COL28A1: variants seen among roughly 807,000 people sequenced by gnomAD.
The protein encoded by COL28A1 is collagen type XXVIII alpha 1 chain, also known as collagen alpha-1(XXVIII) chain.
A neutral mutation model predicts 150.2 loss-of-function variants in COL28A1; 161 were observed. The ratio of observed to expected loss-of-function variants is 1.07; its 90% CI spans 0.94 to 1.22. The LOEUF (loss-of-function observed/expected upper bound fraction) is 1.22, where lower values mean the gene tolerates loss of function less well. Among genes scored for constraint, COL28A1 ranks in the 50% most tolerant of loss-of-function variants. The pLI is 0.00. For synonymous variants in COL28A1, 552 were observed against 469.7 expected (o/e 1.18, Z -2.26); for missense variants, 1,617 against 1,388.3 (o/e 1.16, Z -2.62).
At chr7:7,479,054 G>A (rs900151026) in intron 13 of COL28A1, among the ~76,000 whole-genome samples, 13 of 152,222 alleles carry the variant, frequency 8.5e-5, no homozygotes, top group African/African-American at 2.4e-4. Flanking sequence ...CTGAGGAGGC[G>A]CCAAGAGCAA....
At chr7:7,364,716 G>C (rs898444853) in intron 33 of COL28A1, among the ~76,000 whole-genome samples, 2 of 151,820 alleles carry the variant, frequency 1.3e-5, no homozygotes, top group Non-Finnish European at 2.9e-5. Context: ...AAGATGGGTA[G>C]AGGAAAAAAA....
intron 23 of COL28A1, among the ~76,000 whole-genome samples, 173 bp downstream of exon 23, chr7:7,436,222 T>C (rs1267389183): frequency 6.6e-6 from 1 of 152,148 alleles, no homozygotes; most frequent in Non-Finnish European, 1.5e-5. Context: ...CCCACAAGTA[T>C]GAAAAATAAA....
At chr7:7,412,623 C>G (rs13227277) in intron 27 of COL28A1, among the ~76,000 whole-genome samples, 25,636 of 151,938 alleles carry the variant, frequency 0.17, 2,691 homozygotes, top group African/African-American at 0.29. Context: ...TATCTAATTT[C>G]AATCATTCCT....
At chr7:7,523,609 T>A (rs1249387334) in intron 4 of COL28A1, among the ~76,000 whole-genome samples, 1 of 152,212 alleles carries the variant, frequency 6.6e-6, no homozygotes. Flanking sequence ...AAGCAGCTCA[T>A]TGAACAAAGC....
At chr7:7,429,426 T>TCTCTCA (rs1554270137) in intron 25 of COL28A1, among the ~76,000 whole-genome samples, 3 of 119,384 alleles carry the variant, frequency 2.5e-5, no homozygotes, top group South Asian at 3.0e-4. Context: ...TCTCTCTCTC[T>TCTCTCA]CACATACACA....
intron 9 of COL28A1, among the ~76,000 whole-genome samples, 182 bp downstream of exon 9, chr7:7,510,909 T>A (rs1057139744): frequency 7.2e-5 from 11 of 152,074 alleles, no homozygotes; most frequent in African/African-American, 1.7e-4. Context: ...CATTTGGGGG[T>A]TCTATTATTG....
At chr7:7,518,329 A>G (rs1476107188) in intron 6 of COL28A1, among the ~76,000 whole-genome samples, 2 of 152,192 alleles carry the variant, frequency 1.3e-5, no homozygotes, top group Admixed American at 6.5e-5. Flanking sequence ...AGAAGACATG[A>G]TAGCATCAGT....
intron 27 of COL28A1, among the ~76,000 whole-genome samples, chr7:7,410,480 G>C (rs1425159659): frequency 6.6e-6 from 1 of 152,216 alleles, no homozygotes; most frequent in South Asian, 2.1e-4. Context: ...ATTACAATAA[G>C]AGATAAGTCA....
Position 7,373,414 on chromosome 7 carries a change from T to A in COL28A1, c.2492A>T (p.Asp831Val), listed in dbSNP as rs185194558. ...TATGCCTATGCGGGCCGTGGCAAGG[T>A]CCAGAGCAACCCGGTCAGCCATAGT... ...VKTMADRVAL[D>V]LATARIGIIN... is the part of the protein sequence containing the mutation. The change falls in exon 32 of 35, where the codon GAC becomes GTC. Residue 831 changes from aspartate to valine, a missense_variant. Asp to Val is a radical substitution (Grantham distance 152, BLOSUM62 -3). Coordinates refer to ENST00000399429, the MANE Select transcript of COL28A1 (RefSeq NM_001037763.3). This position sits in a 1 kb window ranked among gnomAD's most constrained non-coding sequence, Gnocchi z 4.1. 2 of 1,614,144 alleles carry A rather than the reference T, an allele frequency of 1.2e-6. No homozygotes were observed. Among genetic ancestry groups the A allele is most frequent in the East Asian group, 4.5e-5 (2 of 44,884 alleles).
At chr7:7,454,678 C>T (rs1420056636) in intron 16 of COL28A1, among the ~76,000 whole-genome samples, 1 of 152,138 alleles carries the variant, frequency 6.6e-6, no homozygotes, top group East Asian at 1.9e-4. Flanking sequence ...GTCTTCGAAC[C>T]TCATATTTAG....
At chr7:7,387,867 A>C (rs955057453) in intron 27 of COL28A1, among the ~76,000 whole-genome samples, 6 of 152,180 alleles carry the variant, frequency 3.9e-5, no homozygotes, top group African/African-American at 1.4e-4. Context: ...TGGGAGCCCA[A>C]AGGCTAAAAG....
At chr7:7,370,623 G>T in intron 33 of COL28A1, 102 bp downstream of exon 33, 1 of 870,620 alleles carries the variant, frequency 1.1e-6, no homozygotes, top group Non-Finnish European at 1.7e-6. Flanking sequence ...AAATACACGT[G>T]CCTCAGCTGA....
In COL28A1 at chr7:7,507,158, A is replaced by G. The variant is rs769919632; in HGVS notation, c.931T>C (p.Ser311Pro). Residue 311 changes from serine to proline, a missense_variant, in exon 10 of 35, where the codon TCC becomes CCC. Physicochemically the swap from Ser to Pro is moderately conservative, Grantham distance 74 (BLOSUM62 -1). Coordinates refer to ENST00000399429, the MANE Select transcript of COL28A1 (RefSeq NM_001037763.3). ...GKPGIKGDKG[S>P]PGPYGPKGPR... ...CCCTTTGGTCCATATGGCCCTGGGG[A>G]TCCCTGTGGAATAAAATTGAAAATA... The G allele has an allele frequency of 1.6e-6, 2 of 1,216,316 alleles. No homozygotes were observed. The highest frequency in any genetic ancestry group is 1.2e-6 in the Non-Finnish European group (1 of 820,520). The allele number at this position is 1,216,316 out of a possible 1,614,324, so 75.3% of individuals were successfully genotyped here.
intron 27 of COL28A1, among the ~76,000 whole-genome samples, chr7:7,408,599 T>C (rs546919803): frequency 2.8e-4 from 42 of 152,262 alleles, no homozygotes; most frequent in Admixed American, 7.2e-4. Flanking sequence ...GTATGAGAAG[T>C]GATTATTACA....
chr7:7,417,798 C>T (rs1784186192), intron 27 of COL28A1, 61 bp downstream of exon 27: 5 of 1,435,746 alleles, frequency 3.5e-6, no homozygotes, highest in Non-Finnish European at 4.9e-6. Flanking sequence ...TATCTACAAC[C>T]TCTTCTCCCA....
upstream of COL28A1, among the ~76,000 whole-genome samples, chr7:7,536,156 T>C (rs149215723): frequency 1.6e-4 from 25 of 152,296 alleles, no homozygotes; most frequent in East Asian, 3.3e-3. Context: ...TGCTCTAAGA[T>C]ACTGGTTCTG....
At chr7:7,492,881 A>G (rs1779999707) in intron 11 of COL28A1, among the ~76,000 whole-genome samples, 1 of 150,766 alleles carries the variant, frequency 6.6e-6, no homozygotes, top group South Asian at 2.1e-4. Flanking sequence ...TTCTATATTG[A>G]TTAAGTTTTC....
intron 26 of COL28A1, among the ~76,000 whole-genome samples, chr7:7,419,118 T>C (rs577742840): frequency 6.6e-6 from 1 of 152,342 alleles, no homozygotes; most frequent in South Asian, 2.1e-4. Context: ...GCTACTTCTT[T>C]ACCCTACTTT....
rs570790303 is a variant in COL28A1 at position 7,396,803 on chromosome 7, G to A, written c.2137-15191C>T. On this transcript the variant is annotated intron_variant, in intron 27 of 34. Transcript: ENST00000399429. ...GTGATCTAGTTCCATTGTGTCTGGTGAAAGGCAGAGAAATAGTTGACCTTT... is the reference window on the plus strand; with the variant it reads ...GTGATCTAGTTCCATTGTGTCTGGTAAAAGGCAGAGAAATAGTTGACCTTT... Among the ~76,000 whole-genome samples the A allele has an allele frequency of 4.6e-5, 7 of 152,284 alleles. No individual in the cohort carries two copies. The South Asian group carries it at 1.5e-3, about 32-fold the overall frequency.
Sources: allele counts gnomAD v4.1 joint callset (sites outside exome capture counted in the v4.1 genomes callset), GRCh38; gene constraint gnomAD v4.1.1; non-coding constraint Gnocchi (gnomAD v3.1); transcripts MANE v1.5; gene names NCBI Gene and HGNC (gene_info 2026-07-23, HGNC 2026-07-21).